Variants in SYT17 observed in about 807,000 individuals in gnomAD.
The protein encoded by SYT17 is synaptotagmin-17.
Under a neutral mutation model 46.7 loss-of-function variants are expected in SYT17, and 22 were observed. The ratio of observed to expected loss-of-function variants is 0.47; its 90% confidence interval spans 0.34 to 0.67. The LOEUF (loss-of-function observed/expected upper bound fraction) is 0.67, where lower values mean the gene tolerates loss of function less well. SYT17 is among the 30% of genes least tolerant of loss of function. The pLI is 0.01. For missense variants in SYT17, 519 were observed against 612.8 expected, an observed-to-expected ratio of 0.85 and a Z score of 1.62; for synonymous variants, 251 against 248.4, an observed-to-expected ratio of 1.01 and a Z score of -0.10.
intron 5 of SYT17, among the ~76,000 whole-genome samples, chr16:19,201,432 C>T (rs1965458197): frequency 1.3e-5 from 2 of 152,096 alleles, no homozygotes; most frequent in African/African-American, 2.4e-5. Context: ...AATCAATGAC[C>T]ACCAGCTGAC....
At position 19,268,099 on chromosome 16, in the gene SYT17, T is replaced by C. The variant is rs1343954825; in HGVS notation, c.*1023T>C. On this transcript the variant is annotated 3_prime_UTR_variant, in exon 8 of 8. Transcript: ENST00000355377. Reference sequence around the variant, plus strand: ...AATGGCTATCACACCCCATCCATGATGATCTTCTTCCTTAATCATACTCTG... The same window carrying C: ...AATGGCTATCACACCCCATCCATGACGATCTTCTTCCTTAATCATACTCTG... 3 of 152,216 alleles carry C rather than the reference T, an allele frequency of 2.0e-5. No individual in the cohort carries two copies. Among genetic ancestry groups the C allele is most frequent in the Non-Finnish European group, 4.4e-5 (3 of 68,044 alleles). 9.4% of individuals were successfully genotyped at this position (152,216 alleles called of 1,614,324 possible).
Position 19,232,839 on chromosome 16 carries a change from T to TAAACAAACAAAC in SYT17, c.1228+8018_1228+8029dup, listed in dbSNP as rs57954740. On this transcript the variant is annotated intron_variant, in intron 7 of 7. Coordinates refer to ENST00000355377, the MANE Select transcript of SYT17 (RefSeq NM_016524.4). ...AGAGCCAGTCCCTATCTCAAAAACA[T>TAAACAAACAAAC]AAACAAACAAACAAACAAACAAACA... is the stretch of plus-strand genomic sequence containing the variant. Among the ~76,000 whole-genome samples the TAAACAAACAAAC allele has an allele frequency of 7.6e-3, 1,135 of 150,226 alleles. 13 individuals are homozygous for TAAACAAACAAAC. The highest frequency in any genetic ancestry group is 0.025 in the African/African-American group (1,032 of 40,800).
chr16:19,213,184 G>T (rs1204647232), intron 5 of SYT17, among the ~76,000 whole-genome samples: 11 of 152,200 alleles, frequency 7.2e-5, no homozygotes, highest in Admixed American at 6.5e-4. Context: ...CTGTAGGAAG[G>T]TGTTTCTCAC....
At chr16:19,231,734 C>T (rs1966699164) in intron 7 of SYT17, among the ~76,000 whole-genome samples, 1 of 151,938 alleles carries the variant, frequency 6.6e-6, no homozygotes, top group South Asian at 2.1e-4. Flanking sequence ...TGTGTCTGTC[C>T]TTACTGATTA....
intron 7 of SYT17, among the ~76,000 whole-genome samples, chr16:19,234,736 A>G (rs28591572): frequency 0.11 from 17,128 of 152,210 alleles, 1,243 homozygotes; most frequent in African/African-American, 0.19. Context: ...CATTCTTTTT[A>G]TGGGGGTTAA....
intron 7 of SYT17, among the ~76,000 whole-genome samples, chr16:19,245,792 C>CCCTCTT (rs1417919668): frequency 6.6e-6 from 1 of 152,118 alleles, no homozygotes; most frequent in African/African-American, 2.4e-5. Flanking sequence ...TGAGAGGGAG[C>CCCTCTT]GGGGAGCCCT....
chr16:19,199,641 C>T (rs1179322992), intron 5 of SYT17, among the ~76,000 whole-genome samples: 1 of 152,106 alleles, frequency 6.6e-6, no homozygotes, highest in Non-Finnish European at 1.5e-5. Flanking sequence ...GAGGCTGAGG[C>T]AGGTAGATCC....
chr16:19,249,040 C>T (rs58017902), intron 7 of SYT17, among the ~76,000 whole-genome samples: 7,681 of 151,936 alleles, frequency 0.051, 669 homozygotes, highest in African/African-American at 0.18. Context: ...TTTGGGAGGC[C>T]GAGGCGGGTG....
At chr16:19,171,583 C>T (rs1463592239) in intron 1 of SYT17, 3 of 152,180 alleles carry the variant, frequency 2.0e-5, no homozygotes, top group Non-Finnish European at 4.4e-5. Flanking sequence ...CCTTGGCCTC[C>T]CAAAGTACTG....
At chr16:19,249,919 C>T in intron 7 of SYT17, 1 of 1,534,510 alleles carries the variant, frequency 6.5e-7, no homozygotes, top group Non-Finnish European at 8.7e-7. Context: ...AGCAGATTCA[C>T]CAAGTCCTCT....
chr16:19,209,728 A>G (rs78087064), intron 5 of SYT17, among the ~76,000 whole-genome samples: 2 of 151,582 alleles, frequency 1.3e-5, no homozygotes, highest in Admixed American at 6.6e-5. Flanking sequence ...AAAAAAAAAA[A>G]TTAGCCGGGC....
chr16:19,232,228 T>C (rs1347520422), intron 7 of SYT17, among the ~76,000 whole-genome samples: 1 of 150,866 alleles, frequency 6.6e-6, no homozygotes, highest in Non-Finnish European at 1.5e-5. Flanking sequence ...AGGACAGCTA[T>C]GGAATACACA....
chr16:19,186,768 G>A lies in SYT17; in HGVS notation c.951+2621G>A, dbSNP rs571318078. Reference sequence around the variant, plus strand: ...CGTCATCTGGACCCTTAAGATATTTGTTTTCCTTCTCTTCTCCCCTCTTTA... The same window carrying A: ...CGTCATCTGGACCCTTAAGATATTTATTTTCCTTCTCTTCTCCCCTCTTTA... On this transcript the variant is annotated intron_variant, in intron 5 of 7. Transcript: ENST00000355377. 1.3e-4 allele frequency among the ~76,000 whole-genome samples: 20 copies of A among 152,190 alleles called. No individual in the cohort carries two copies. In the South Asian group the frequency reaches 4.1e-3, roughly 32 times the overall value.
chr16:19,206,786 G>A (rs1965688349), intron 5 of SYT17, among the ~76,000 whole-genome samples: 1 of 152,066 alleles, frequency 6.6e-6, no homozygotes, highest in Non-Finnish European at 1.5e-5. Flanking sequence ...CATAAATCCA[G>A]TCCTATGGGA....
chr16:19,240,567 G>T (rs1967023867), intron 7 of SYT17, among the ~76,000 whole-genome samples: 1 of 152,160 alleles, frequency 6.6e-6, no homozygotes, highest in Non-Finnish European at 1.5e-5. Flanking sequence ...ATTGGTCCAT[G>T]GGCAGCCATG....
At chr16:19,231,989 G>A (rs1966711081) in intron 7 of SYT17, among the ~76,000 whole-genome samples, 2 of 152,212 alleles carry the variant, frequency 1.3e-5, no homozygotes, top group African/African-American at 4.8e-5. Flanking sequence ...TGACACGTGA[G>A]CTGGGAGCTG....
chr16:19,186,203 G>A (rs1964783140), intron 5 of SYT17, among the ~76,000 whole-genome samples: 1 of 152,060 alleles, frequency 6.6e-6, no homozygotes, highest in African/African-American at 2.4e-5. Flanking sequence ...AGGGCTGAGT[G>A]CAATGGCTCA....
At chr16:19,235,685 G>C (rs1033200251) in intron 7 of SYT17, among the ~76,000 whole-genome samples, 4 of 152,190 alleles carry the variant, frequency 2.6e-5, no homozygotes, top group Admixed American at 2.0e-4. Context: ...AAGTAAGGGT[G>C]AACCCTCTTG....
Position 19,241,226 on chromosome 16 carries a change from C to T in SYT17, c.1228+16388C>T, listed in dbSNP as rs140202987. ...CCTCCCAAAGTGCTGGGATTACAGGCGTGAGCCACCGCGCCCGGCCCCCTA... is the reference window on the plus strand; with the variant it reads ...CCTCCCAAAGTGCTGGGATTACAGGTGTGAGCCACCGCGCCCGGCCCCCTA... On this transcript the variant is annotated intron_variant, in intron 7 of 7. Coordinates refer to ENST00000355377, the MANE Select transcript of SYT17 (RefSeq NM_016524.4). Among the ~76,000 whole-genome samples, 496 of 151,556 alleles carry T rather than the reference C, an allele frequency of 3.3e-3. 5 individuals carry two copies. The highest frequency in any genetic ancestry group is 9.7e-3 in the African/African-American group (400 of 41,434).
Sources: gnomAD v4.1 joint callset for allele counts (sites outside exome capture counted in the v4.1 genomes callset) on GRCh38, gnomAD v4.1.1 for gene constraint, MANE v1.5 for transcripts, NCBI Gene and HGNC (gene_info 2026-07-23, HGNC 2026-07-21) for gene names.